Variants in ADGRF3 observed in about 807,000 individuals in gnomAD.
ADGRF3 encodes the protein G protein-coupled receptor 113.
In ADGRF3, 85 loss-of-function variants were observed where a neutral mutation model predicts 93.2. The ratio of observed to expected loss-of-function variants is 0.91; its 90% CI spans 0.77 to 1.09. The LOEUF is 1.09. Among genes scored for constraint, ADGRF3 ranks in the 50% least tolerant of loss-of-function variants. The pLI is 0.00. For missense variants in ADGRF3, 1,125 were observed against 1,246.2 expected (o/e 0.90, Z 1.46); for synonymous variants, 534 against 532.5 (o/e 1.00, Z -0.04).
chr2:26,344,949 C>A lies in ADGRF3; in HGVS notation c.114+1172G>T, dbSNP rs146915098. Among the ~76,000 whole-genome samples the A allele has an allele frequency of 2.4e-4, 36 of 152,278 alleles. 1 individual carries two copies. In the East Asian group the frequency reaches 6.2e-3, roughly 26 times the overall value. On this transcript the variant is annotated intron_variant, in intron 1 of 13. Coordinates refer to ENST00000651242, the MANE Select transcript of ADGRF3 (RefSeq NM_001321971.2). ...AGTAATAATACTGTGTTTGGCATATCTCGGGTCCCCAATAAATAGTTGTTA... is the reference window on the plus strand; with the variant it reads ...AGTAATAATACTGTGTTTGGCATATATCGGGTCCCCAATAAATAGTTGTTA...
At chr2:26,327,272 G>T (rs78820261) in intron 1 of ADGRF3, among the ~76,000 whole-genome samples, 2,108 of 152,298 alleles carry the variant, frequency 0.014, 49 homozygotes, top group African/African-American at 0.047. Flanking sequence ...TGAGCTCCAA[G>T]GAAAAGTAAA....
chr2:26,320,263 G>A (rs998999214), intron 1 of ADGRF3, among the ~76,000 whole-genome samples: 24 of 152,330 alleles, frequency 1.6e-4, no homozygotes, highest in African/African-American at 2.9e-4. Context: ...TTGGGAGGCC[G>A]AGGTGAGTGG....
At position 26,316,446 on chromosome 2, in the gene ADGRF3, A is replaced by G. The variant is rs749095152; in HGVS notation, c.328T>C (p.Cys110Arg). The change falls in exon 4 of 14, where the codon TGT becomes CGT. Residue 110 changes from cysteine (C) to arginine (R), a missense_variant and splice_region_variant. Cys to Arg is a radical substitution (Grantham distance 180, BLOSUM62 -3). Coordinates refer to ENST00000651242, the MANE Select transcript of ADGRF3 (RefSeq NM_001321971.2). ...AAATTCCCCTTGTGGTTGACATTAC[A>G]CTCTGACAGAGAGAAGAGAAGAGGG... ...LLTGLRLTTE[C>R]NVNHKGNFYC... is the part of the protein sequence containing the mutation. The G allele has an allele frequency of 1.5e-4, 240 of 1,551,266 alleles. 2 individuals carry two copies. The highest frequency in any genetic ancestry group is 3.5e-5 in the Non-Finnish European group (40 of 1,146,790).
At chr2:26,314,388 C>G (rs749969337) in intron 6 of ADGRF3, 26 bp downstream of exon 6, 17 of 1,597,338 alleles carry the variant, frequency 1.1e-5, no homozygotes, top group Non-Finnish European at 1.5e-5. Context: ...TCCCTCTGAC[C>G]CCTGACTGCT....
intron 1 of ADGRF3, among the ~76,000 whole-genome samples, chr2:26,333,883 G>A (rs1675897968): frequency 6.6e-6 from 1 of 151,906 alleles, no homozygotes; most frequent in African/African-American, 2.4e-5. Flanking sequence ...GAGTGCAGTG[G>A]TGCAATCTCG....
chr2:26,311,162 A>T lies in ADGRF3; in HGVS notation c.2362T>A (p.Phe788Ile). ...AGGGCCTGCGCCAGCATCCAGAAAA[A>T]GGTGGCCAGGTAGAGGAAATGACAG... ...FLCHFLYLAT[F>I]FWMLAQALVL... Residue 788 changes from phenylalanine (F) to isoleucine (I), a missense_variant, in exon 10 of 14, where the codon TTT becomes ATT. Coordinates refer to ENST00000651242, the MANE Select transcript of ADGRF3 (RefSeq NM_001321971.2). 2.5e-6 allele frequency: 4 copies of T among 1,596,398 alleles called. No homozygotes were observed. The highest frequency in any genetic ancestry group is 3.4e-6 in the Non-Finnish European group (4 of 1,171,932).
At chr2:26,319,228 A>G in intron 1 of ADGRF3, 1 of 600,066 alleles carries the variant, frequency 1.7e-6, no homozygotes, top group Non-Finnish European at 2.8e-6. Flanking sequence ...TGTGGGGGCC[A>G]CCTGGAGCCC....
At chr2:26,329,215 C>T (rs561612640) in intron 1 of ADGRF3, among the ~76,000 whole-genome samples, 32 of 152,284 alleles carry the variant, frequency 2.1e-4, no homozygotes, top group African/African-American at 6.5e-4. Flanking sequence ...GGCTCACTGC[C>T]GCCTTGACCT....
intron 1 of ADGRF3, among the ~76,000 whole-genome samples, chr2:26,341,173 GT>G (rs1308769991): frequency 6.6e-6 from 1 of 152,186 alleles, no homozygotes; most frequent in Non-Finnish European, 1.5e-5. Flanking sequence ...GAGGTCAGGA[GT>G]TTGAGACCAG....
intron 1 of ADGRF3, among the ~76,000 whole-genome samples, chr2:26,324,374 A>T (rs1326847387): frequency 2.6e-5 from 4 of 152,218 alleles, no homozygotes. Context: ...GTTCAGGGGT[A>T]CAAGTGCAGG....
rs556538261 is a variant in ADGRF3 at position 26,313,561 on chromosome 2, G to T, written c.1085C>A (p.Thr362Asn). 6.2e-7 allele frequency: 1 copy of T among 1,606,236 alleles called. No homozygotes were observed. Among genetic ancestry groups the T allele is most frequent in the African/African-American group, 1.3e-5 (1 of 74,944 alleles). The change falls in exon 8 of 14, where the codon ACC becomes AAC. Residue 362 changes from threonine to asparagine, a missense_variant. By Grantham distance (65) the Thr-to-Asn change is moderately conservative. Transcript: ENST00000651242. ...GAGCACCGAGGCGTCCTCAGGGCAG[G>T]TGATGTCTCCATCTGAAGAATGACG... ...SITIIQDGDITCPEDASVLTW... is the reference protein window; with the variant it reads ...SITIIQDGDINCPEDASVLTW...
Position 26,314,631 on chromosome 2 carries a change from A to C in ADGRF3, c.719-8T>G, listed in dbSNP as rs10187359. ...AGCAGCTCATGTACTCACCTGCAGAAACGTGTGTGCGGCGCTATGTGGCTC... is the reference window on the plus strand; with the variant it reads ...AGCAGCTCATGTACTCACCTGCAGACACGTGTGTGCGGCGCTATGTGGCTC... On this transcript the variant is annotated splice_polypyrimidine_tract_variant and splice_region_variant and intron_variant, in intron 5 of 13. Transcript: ENST00000651242. The C allele has an allele frequency of 0.97, 1,561,523 of 1,613,012 alleles. 756,834 individuals are homozygous for C. Among genetic ancestry groups the C allele is most frequent in the Non-Finnish European group, 0.98 (1,157,107 of 1,179,260 alleles).
Position 26,310,086 on chromosome 2 carries a change from T to A in ADGRF3, c.2894A>T (p.Lys965Ile). The change falls in exon 12 of 14, where the codon AAA becomes ATA. Residue 965 changes from lysine to isoleucine, a missense_variant. By Grantham distance (102) the Lys-to-Ile change is moderately radical (BLOSUM62 -3). Coordinates refer to ENST00000651242, the MANE Select transcript of ADGRF3 (RefSeq NM_001321971.2). ...MDRKIQEALR[K>I]RFCRAQAPSS... ...GGGGGCTTGGGCGCGGCAGAAGCGT[T>A]TGCGCAAAGCTTCTTGTATCTGCGG... 1 of 1,614,026 alleles carries A rather than the reference T, an allele frequency of 6.2e-7. No homozygotes were observed. Among genetic ancestry groups the A allele is most frequent in the Non-Finnish European group, 8.5e-7 (1 of 1,179,892 alleles).
chr2:26,309,188 C>A, intron 13 of ADGRF3, 81 bp from the exon 14 acceptor site: 1 of 1,613,934 alleles, frequency 6.2e-7, no homozygotes, highest in Non-Finnish European at 8.5e-7. Flanking sequence ...ACCAAGCCCA[C>A]CCATGGCAAT....
chr2:26,314,034 A>T, intron 6 of ADGRF3, 131 bp from the exon 7 acceptor site: 1 of 1,122,522 alleles, frequency 8.9e-7, no homozygotes, highest in Non-Finnish European at 1.3e-6. Flanking sequence ...GAGCCAAATG[A>T]TGTGTGGGCT....
Position 26,313,106 on chromosome 2 carries a change from T to A in ADGRF3, c.1286A>T (p.Gln429Leu). Residue 429 changes from glutamine to leucine, a missense_variant, in exon 9 of 14, where the codon CAG becomes CTG. By Grantham distance (113) the Gln-to-Leu change is moderately radical. Coordinates refer to ENST00000651242, the MANE Select transcript of ADGRF3 (RefSeq NM_001321971.2). ...TGGCACCTCCTCAGCAGGACTGCCC[T>A]GGCCTGCCTGCAGCAGCTGAGACAG... The part of the protein sequence containing the change: ...FTRTKLLQAG[Q>L]GSPAEEVPQI... The A allele has an allele frequency of 6.2e-7, 1 of 1,613,868 alleles. No homozygotes were observed.
In ADGRF3 at chr2:26,311,255, A is replaced by T. The variant is rs1241083991; in HGVS notation, c.2269T>A (p.Cys757Ser). ...MVFCLLAADT[C>S]FLGAPFLSPG... ...GAGAGGAATGGGGCGCCCAGGAAGCAAGTGTCTGCGGCCAGCAAGCAGAAC... is the reference window on the plus strand; with the variant it reads ...GAGAGGAATGGGGCGCCCAGGAAGCTAGTGTCTGCGGCCAGCAAGCAGAAC... Residue 757 changes from cysteine (C) to serine (S), a missense_variant, in exon 10 of 14, where the codon TGC becomes AGC. By Grantham distance (112) the Cys-to-Ser change is moderately radical. Coordinates refer to ENST00000651242, the MANE Select transcript of ADGRF3 (RefSeq NM_001321971.2). 1.3e-5 allele frequency: 21 copies of T among 1,612,628 alleles called. No individual in the cohort carries two copies. Among genetic ancestry groups the T allele is most frequent in the Non-Finnish European group, 1.8e-5 (21 of 1,179,336 alleles).
chr2:26,332,231 G>A (rs553502586), intron 1 of ADGRF3, among the ~76,000 whole-genome samples: 189 of 152,228 alleles, frequency 1.2e-3, no homozygotes, highest in African/African-American at 4.4e-3. Context: ...TTAGACACTG[G>A]GAAACACAAT....
In ADGRF3 at chr2:26,314,638, G is replaced by A. The variant is rs1312957199; in HGVS notation, c.719-15C>T. On this transcript the variant is annotated splice_polypyrimidine_tract_variant and intron_variant, in intron 5 of 13. Transcript: ENST00000651242. Reference sequence around the variant, plus strand: ...CATGTACTCACCTGCAGAAACGTGTGTGCGGCGCTATGTGGCTCCTCTGGG... The same window carrying A: ...CATGTACTCACCTGCAGAAACGTGTATGCGGCGCTATGTGGCTCCTCTGGG... 13 of 1,601,838 alleles carry A rather than the reference G, an allele frequency of 8.1e-6. No homozygotes were observed. The highest frequency in any genetic ancestry group is 1.0e-5 in the Non-Finnish European group (12 of 1,169,466).
Sources: allele counts gnomAD v4.1 joint callset (sites outside exome capture counted in the v4.1 genomes callset), GRCh38; gene constraint gnomAD v4.1.1; transcripts MANE v1.5; gene names NCBI Gene and HGNC (gene_info 2026-07-23, HGNC 2026-07-21).